Variants in MAGI2 observed in about 807,000 individuals in gnomAD.
MAGI2 encodes membrane associated guanylate kinase, WW and PDZ domain containing 2, also known as membrane-associated guanylate kinase, WW and PDZ domain-containing protein 2.
In MAGI2, 35 loss-of-function variants were observed where a neutral mutation model predicts 133.3. That is an observed-to-expected ratio of 0.26 (90% confidence interval 0.20 to 0.35). The LOEUF (loss-of-function observed/expected upper bound fraction) is 0.35. Ranked by LOEUF, MAGI2 falls within the 10% of genes least tolerant of loss-of-function variation. MAGI2 has a pLI of 1.00. For synonymous variants in MAGI2, 729 were observed against 710.6 expected, an observed-to-expected ratio of 1.03 and a Z score of -0.41; for missense variants, 1,636 against 1,863.4, an observed-to-expected ratio of 0.88 and a Z score of 2.25.
chr7:78,085,575 C>CAT (rs991997766), intron 20 of MAGI2, among the ~76,000 whole-genome samples: 2 of 143,294 alleles, frequency 1.4e-5, no homozygotes, highest in African/African-American at 2.9e-5. Flanking sequence ...CACACACACA[C>CAT]ACACACAAAC....
intron 6 of MAGI2, among the ~76,000 whole-genome samples, chr7:78,481,089 A>G (rs1042791707): frequency 1.3e-5 from 2 of 152,004 alleles, no homozygotes; most frequent in Non-Finnish European, 2.9e-5. Context: ...ATAAAATGGC[A>G]AAAGACCTAA....
At chr7:79,084,766 AT>A (rs1442185294) in intron 1 of MAGI2, among the ~76,000 whole-genome samples, 1 of 151,798 alleles carries the variant, frequency 6.6e-6, no homozygotes, top group Non-Finnish European at 1.5e-5. Context: ...TTGAATTCTT[AT>A]TCTGATTTTT....
At chr7:78,474,634 T>A (rs1365361431) in intron 6 of MAGI2, among the ~76,000 whole-genome samples, 2 of 151,884 alleles carry the variant, frequency 1.3e-5, no homozygotes, top group East Asian at 3.9e-4. Flanking sequence ...CAAAATAAAG[T>A]TTCCAGTAGA....
chr7:78,850,883 AG>A, intron 2 of MAGI2, among the ~76,000 whole-genome samples: 1 of 152,276 alleles, frequency 6.6e-6, no homozygotes, highest in East Asian at 1.9e-4. Context: ...GATACTGAAT[AG>A]GTAGAACTTT....
chr7:78,344,033 C>A (rs1790653066), intron 8 of MAGI2, 73 bp from the exon 9 acceptor site: 2 of 1,408,440 alleles, frequency 1.4e-6, no homozygotes, highest in South Asian at 1.3e-5. Flanking sequence ...AGAAAGCCAG[C>A]CCCTGAGCAG....
chr7:79,368,506 A>G (rs1247800556), intron 1 of MAGI2, among the ~76,000 whole-genome samples: 6 of 152,174 alleles, frequency 3.9e-5, no homozygotes, highest in Admixed American at 3.9e-4. Flanking sequence ...AGGGAAAAAA[A>G]TCATTTCCAC....
At chr7:79,271,885 C>A (rs1225366738) in intron 1 of MAGI2, among the ~76,000 whole-genome samples, 1 of 151,990 alleles carries the variant, frequency 6.6e-6, no homozygotes, top group Non-Finnish European at 1.5e-5. Flanking sequence ...CTCTCCCCAC[C>A]ACAGTCTTCA....
chr7:78,467,591 T>G (rs1174979533), intron 6 of MAGI2, among the ~76,000 whole-genome samples: 1 of 151,420 alleles, frequency 6.6e-6, no homozygotes, highest in Non-Finnish European at 1.5e-5. Context: ...AAAACATAGA[T>G]AAGAAAGAGT....
intron 2 of MAGI2, among the ~76,000 whole-genome samples, chr7:78,695,931 A>ATT (rs375350828): frequency 2.7e-5 from 4 of 149,842 alleles, no homozygotes; most frequent in African/African-American, 9.8e-5. Flanking sequence ...CACATAGTTC[A>ATT]TTTTTTTTTT....
At chr7:78,454,602 A>G (rs540368186) in intron 6 of MAGI2, among the ~76,000 whole-genome samples, 7 of 152,210 alleles carry the variant, frequency 4.6e-5, no homozygotes, top group Non-Finnish European at 8.8e-5. Flanking sequence ...TTATGTCCAC[A>G]CAAAAACCTG....
At chr7:79,024,221 C>G (rs1409691009) in intron 1 of MAGI2, among the ~76,000 whole-genome samples, 1 of 151,018 alleles carries the variant, frequency 6.6e-6, no homozygotes, top group Non-Finnish European at 1.5e-5. Context: ...TCCACAAAAA[C>G]AAGCAATGGG....
Position 78,646,789 on chromosome 7 carries a change from T to C in MAGI2, c.419-19550A>G, listed in dbSNP as rs74622726. ...CAAATCTAAAACCATCCTTTAGCGCTGACCAACAGTCACACAACATCACCT... is the reference window on the plus strand; with the variant it reads ...CAAATCTAAAACCATCCTTTAGCGCCGACCAACAGTCACACAACATCACCT... On this transcript the variant is annotated intron_variant, in intron 2 of 21. Transcript: ENST00000354212. Among the ~76,000 whole-genome samples the C allele has an allele frequency of 9.6e-4, 147 of 152,342 alleles. 2 individuals are homozygous for C. In the East Asian group the frequency reaches 0.023, roughly 24 times the overall value.
chr7:78,316,139 C>A (rs541338507), intron 9 of MAGI2, among the ~76,000 whole-genome samples: 1 of 152,232 alleles, frequency 6.6e-6, no homozygotes, highest in African/African-American at 2.4e-5. Context: ...GTCCTTTTAT[C>A]CCCTGCAGCT....
chr7:78,223,078 G>T (rs1425255998), intron 10 of MAGI2, among the ~76,000 whole-genome samples: 1 of 152,144 alleles, frequency 6.6e-6, no homozygotes, highest in Non-Finnish European at 1.5e-5. Flanking sequence ...TCAATTGTCT[G>T]GGCAGTCAAA....
Position 78,178,080 on chromosome 7 carries a change from A to G in MAGI2, c.2334T>C (p.Asp778=). Residue 778 remains aspartate (D), a synonymous_variant, in exon 14 of 22, where the codon GAT becomes GAC. Transcript: ENST00000354212. Reference sequence around the variant, plus strand: ...CAGACTCCATCCTCCGAAGATGAACATCCAATTCCTTATAATCTGGACCTG... The same window carrying G: ...CAGACTCCATCCTCCGAAGATGAACGTCCAATTCCTTATAATCTGGACCTG... ...DSSGPDYKEL[D]VHLRRMESGF... The G allele has an allele frequency of 6.2e-7, 1 of 1,612,828 alleles. No homozygotes were observed.
chr7:79,375,710 G>T (rs1261988630), intron 1 of MAGI2, among the ~76,000 whole-genome samples: 1 of 151,862 alleles, frequency 6.6e-6, no homozygotes, highest in East Asian at 1.9e-4. Context: ...AAACATTGAG[G>T]AATGCAGAAA....
chr7:79,422,104 T>A (rs550652940), intron 1 of MAGI2, among the ~76,000 whole-genome samples: 1 of 152,098 alleles, frequency 6.6e-6, no homozygotes, highest in South Asian at 2.1e-4. Flanking sequence ...CTAAAGAAAA[T>A]GACTTTGGTC....
intron 2 of MAGI2, among the ~76,000 whole-genome samples, chr7:78,849,165 C>T (rs190932300): frequency 6.6e-5 from 10 of 152,040 alleles, no homozygotes; most frequent in Admixed American, 2.0e-4. Flanking sequence ...GATCTGAATA[C>T]GCAAATATTG....
At chr7:79,334,189 G>A (rs1368573381) in intron 1 of MAGI2, among the ~76,000 whole-genome samples, 2 of 152,098 alleles carry the variant, frequency 1.3e-5, no homozygotes, top group African/African-American at 4.8e-5. Flanking sequence ...TAACGTTAGT[G>A]TTCCATTTCC....
Sources: gnomAD v4.1 joint callset for allele counts (sites outside exome capture counted in the v4.1 genomes callset) on GRCh38, gnomAD v4.1.1 for gene constraint, MANE v1.5 for transcripts, NCBI Gene and HGNC (gene_info 2026-07-23, HGNC 2026-07-21) for gene names.